The following ZNF560 variants were observed in gnomAD, a reference collection of about 807,000 sequenced individuals.
The protein encoded by ZNF560 is zinc finger protein 560.
ZNF560 carries 54 observed loss-of-function variants against 81.8 expected under a neutral mutation model. That is an observed-to-expected ratio of 0.66 (90% CI 0.53 to 0.83). The LOEUF is 0.83. Ranked by LOEUF, ZNF560 falls within the 40% of genes least tolerant of loss-of-function variation. The pLI is 0.00. For missense variants in ZNF560, 940 were observed against 932.4 expected (o/e 1.01, Z -0.11); for synonymous variants, 321 against 317.9 (o/e 1.01, Z -0.10).
chr19:9,455,768 T>G, the ZNF560 span, among the ~76,000 whole-genome samples: 1 of 152,156 alleles, frequency 6.6e-6, no homozygotes, highest in Non-Finnish European at 1.5e-5. Flanking sequence ...CACATTTAGT[T>G]GATTATATCA....
the ZNF560 span, among the ~76,000 whole-genome samples, chr19:9,449,993 AAAAAAC>A: frequency 6.8e-6 from 1 of 147,450 alleles, no homozygotes; most frequent in African/African-American, 2.5e-5. Flanking sequence ...AAAAAAAAAA[AAAAAAC>A]AACTGAAAAA....
chr19:9,453,432 A>G, the ZNF560 span, among the ~76,000 whole-genome samples: 158 of 152,230 alleles, frequency 1.0e-3, no homozygotes, highest in Non-Finnish European at 4.1e-4. Flanking sequence ...TTCTAGCAAC[A>G]TTAATGTTTT....
chr19:9,466,917 GTTT>G lies in ZNF560; in HGVS notation c.2027_2029del (p.Lys676del). ...TTCAGAGGTCTTCTCTGCTGCATGA[GTTT>G]TTAAGTGTTGAGTTAGTACACAAGA... On this transcript the variant is annotated inframe_deletion, in exon 10 of 10. Coordinates refer to ENST00000301480, the MANE Select transcript of ZNF560 (RefSeq NM_152476.3). 1.2e-6 allele frequency: 2 copies of G among 1,614,076 alleles called. No individual in the cohort carries two copies. The highest frequency in any genetic ancestry group is 2.2e-5 in the South Asian group (2 of 91,072).
the ZNF560 span, among the ~76,000 whole-genome samples, chr19:9,504,798 G>C: frequency 6.6e-6 from 1 of 152,106 alleles, no homozygotes; most frequent in African/African-American, 2.4e-5. Context: ...TTAAGAGACA[G>C]AGTCTCGGCT....
chr19:9,458,838 C>A, the ZNF560 span, among the ~76,000 whole-genome samples: 2 of 152,200 alleles, frequency 1.3e-5, no homozygotes. Context: ...CCAAATGATT[C>A]CTTGAGGATT....
chr19:9,475,507 A>G lies in ZNF560; in HGVS notation c.-56-138T>C. On this transcript the variant is annotated intron_variant, in intron 2 of 9. Transcript: ENST00000301480. ...CATAAATATACATTACATCCATAAA[A>G]TGCCACTGCACTTCTGTCTAACCTA... 6.9e-6 allele frequency: 4 copies of G among 582,632 alleles called. No homozygotes were observed. In the South Asian group the frequency reaches 9.1e-5, roughly 13 times the overall value. The allele number at this position is 582,632 out of a possible 1,614,324, so 36.1% of individuals were successfully genotyped here.
chr19:9,467,222 C>G lies in ZNF560; in HGVS notation c.1725G>C (p.Met575Ile). The G allele has an allele frequency of 6.2e-7, 1 of 1,613,978 alleles. No individual in the cohort carries two copies. The highest frequency in any genetic ancestry group is 8.5e-7 in the Non-Finnish European group (1 of 1,179,986). ...GCTCAGTGAAGGCTTTCCCACATTT[C>G]ATACATTCATAGGGTTTCTCTCCAG... ...THAGEKPYEC[M>I]KCGKAFTERS... The change falls in exon 10 of 10, where the codon ATG becomes ATC. Residue 575 changes from methionine (M) to isoleucine (I), a missense_variant. Physicochemically the swap from Met to Ile is conservative, Grantham distance 10 (BLOSUM62 1). Transcript: ENST00000301480.
chr19:9,502,078 C>T (rs367662898), upstream of ZNF560, among the ~76,000 whole-genome samples: 5 of 151,626 alleles, frequency 3.3e-5, no homozygotes, highest in East Asian at 2.0e-4. Context: ...CGCTTGAACT[C>T]GGGAGGCGCA....
chr19:9,472,762 G>A lies in ZNF560; in HGVS notation c.238+417C>T, dbSNP rs1457771430. The stretch of plus-strand genomic sequence containing the variant: ...AATGTAATAATAGTAGAAATAAAGT[G>A]CACAATAAATGTAATGCACCTGAAT... On this transcript the variant is annotated intron_variant, in intron 5 of 9. Transcript: ENST00000301480. Among the ~76,000 whole-genome samples the A allele has an allele frequency of 2.0e-5, 3 of 152,134 alleles. No homozygotes were observed. The South Asian group carries it at 6.2e-4, about 32-fold the overall frequency.
chr19:9,467,234 G>C lies in ZNF560; in HGVS notation c.1713C>G (p.Pro571=). Residue 571 remains proline (P), a synonymous_variant, in exon 10 of 10, where the codon CCC becomes CCG. Coordinates refer to ENST00000301480, the MANE Select transcript of ZNF560 (RefSeq NM_152476.3). ...KHLRTHAGEK[P]YECMKCGKAF... The stretch of plus-strand genomic sequence containing the variant: ...CTTTCCCACATTTCATACATTCATA[G>C]GGTTTCTCTCCAGCGTGTGTTCGTA... 6.2e-7 allele frequency: 1 copy of C among 1,614,106 alleles called. No individual in the cohort carries two copies. Among genetic ancestry groups the C allele is most frequent in the Non-Finnish European group, 8.5e-7 (1 of 1,180,012 alleles).
chr19:9,478,681 G>A (rs185684354), intron 2 of ZNF560, among the ~76,000 whole-genome samples: 82 of 152,274 alleles, frequency 5.4e-4, no homozygotes, highest in Non-Finnish European at 9.4e-4. Context: ...GTTATTTTAT[G>A]TGATCACAGT....
rs2073493778 is a variant in ZNF560 at position 9,492,836 on chromosome 19, C to T, written c.-57+5292G>A. On this transcript the variant is annotated intron_variant, in intron 2 of 9. Coordinates refer to ENST00000301480, the MANE Select transcript of ZNF560 (RefSeq NM_152476.3). ...AATTAGCTCTAAGACAAAAATTTTGCTTCCAATCCCAGCAATGTAGAGCAC... is the reference window on the plus strand; with the variant it reads ...AATTAGCTCTAAGACAAAAATTTTGTTTCCAATCCCAGCAATGTAGAGCAC... Among the ~76,000 whole-genome samples the T allele has an allele frequency of 3.3e-5, 5 of 152,182 alleles. No homozygotes were observed. The South Asian group carries it at 1.0e-3, about 31-fold the overall frequency.
At chr19:9,493,513 C>T (rs1041225190) in intron 2 of ZNF560, among the ~76,000 whole-genome samples, 23 of 152,100 alleles carry the variant, frequency 1.5e-4, no homozygotes, top group South Asian at 6.2e-4. Flanking sequence ...TACAGGCGCC[C>T]GCCACGCCCA....
intron 2 of ZNF560, among the ~76,000 whole-genome samples, chr19:9,477,652 ATATTGACT>A (rs1275721663): frequency 1.3e-5 from 2 of 152,162 alleles, no homozygotes; most frequent in Non-Finnish European, 2.9e-5. Context: ...TCTGCCCCTT[ATATTGACT>A]ATTTGATGGG....
In ZNF560 at chr19:9,466,955, A is replaced by T; in HGVS notation, c.1992T>A (p.Ala664=). ...GAGTTAGTACACAAGACCTACTGTA[A>T]GCTTTTTCACATGCATTACATTTAT... ...KPYKCNACEK[A]YSRSCVLTQH... Residue 664 remains alanine (A), a synonymous_variant, in exon 10 of 10, where the codon GCT becomes GCA. Transcript: ENST00000301480. 6.2e-7 allele frequency: 1 copy of T among 1,614,046 alleles called. No individual in the cohort carries two copies.
the ZNF560 span, among the ~76,000 whole-genome samples, chr19:9,504,897 C>T: frequency 1.3e-5 from 2 of 152,064 alleles, no homozygotes; most frequent in East Asian, 3.9e-4. Context: ...CCATCCTGGC[C>T]AACATAGTGA....
At chr19:9,494,268 T>C (rs1360859252) in intron 2 of ZNF560, among the ~76,000 whole-genome samples, 1 of 152,020 alleles carries the variant, frequency 6.6e-6, no homozygotes, top group Non-Finnish European at 1.5e-5. Flanking sequence ...AATCAAAGTG[T>C]GTATAGATGG....
At chr19:9,447,026 C>T in the ZNF560 span, among the ~76,000 whole-genome samples, 54 of 151,112 alleles carry the variant, frequency 3.6e-4, no homozygotes, top group Non-Finnish European at 5.4e-4. Flanking sequence ...CCCAGCTACT[C>T]GAGAGGCTGA....
intron 2 of ZNF560, among the ~76,000 whole-genome samples, chr19:9,480,114 A>C (rs939490509): frequency 6.6e-6 from 1 of 152,228 alleles, no homozygotes; most frequent in African/African-American, 2.4e-5. Flanking sequence ...TACACTTTAG[A>C]CCAAAACAAT....
Sources: gnomAD v4.1 joint callset for allele counts (sites outside exome capture counted in the v4.1 genomes callset) on GRCh38, gnomAD v4.1.1 for gene constraint, MANE v1.5 for transcripts, NCBI Gene and HGNC (gene_info 2026-07-23, HGNC 2026-07-21) for gene names.